CTNNAL1: variants seen among roughly 807,000 people sequenced by gnomAD.
The protein encoded by CTNNAL1 is alpha-catulin.
Under a neutral mutation model 93.6 loss-of-function variants are expected in CTNNAL1, and 69 were observed. The observed-to-expected ratio is 0.74, with a 90% CI of 0.61 to 0.90. The LOEUF (loss-of-function observed/expected upper bound fraction) is 0.90. Ranked by LOEUF, CTNNAL1 falls within the 40% of genes least tolerant of loss-of-function variation. CTNNAL1 has a pLI of 0.00. For synonymous variants in CTNNAL1, 286 were observed against 305.4 expected (o/e 0.94, Z 0.66); for missense variants, 836 against 862.0 (o/e 0.97, Z 0.38).
rs986658825 is a variant in CTNNAL1 at position 108,974,512 on chromosome 9, C to T, written c.1189-1679G>A. ...AAGTAAGATGTGAAACAGATCACCA[C>T]GTATAAAATTTATATAAGAAACATC... On this transcript the variant is annotated intron_variant, in intron 8 of 18. Coordinates refer to ENST00000325551, the MANE Select transcript of CTNNAL1 (RefSeq NM_003798.4). Among the ~76,000 whole-genome samples, 62 of 152,112 alleles carry T rather than the reference C, an allele frequency of 4.1e-4. 1 individual carries two copies. Among genetic ancestry groups the T allele is most frequent in the Admixed American group, 3.2e-3 (49 of 15,276 alleles).
intron 10 of CTNNAL1, 122 bp from the exon 11 acceptor site, chr9:108,965,650 T>C: frequency 2.1e-6 from 1 of 483,868 alleles, no homozygotes; most frequent in African/African-American, 2.0e-5. Context: ...ATGAAGTAAT[T>C]TCTATACACA....
At position 108,972,726 on chromosome 9, in the gene CTNNAL1, A is replaced by G; in HGVS notation, c.1296T>C (p.Ala432=). ...KLTGVEGNLE[A]LAEYACKLSE... ...AGAGTTTACAGGCATATTCAGCCAA[A>G]GCTTCTAAATTTCCTTCTACTCCAG... The change falls in exon 9 of 19, where the codon GCT becomes GCC. Residue 432 remains alanine (A), a synonymous_variant. Transcript: ENST00000325551. The G allele has an allele frequency of 1.2e-6, 2 of 1,614,010 alleles. No homozygotes were observed. The highest frequency in any genetic ancestry group is 1.7e-6 in the Non-Finnish European group (2 of 1,180,014).
At chr9:108,992,570 A>AT in intron 3 of CTNNAL1, 62 bp downstream of exon 3, 1 of 1,518,584 alleles carries the variant, frequency 6.6e-7, no homozygotes, top group Non-Finnish European at 8.8e-7. Context: ...ACTAAGAGTC[A>AT]TAAAAAGCAC....
intron 3 of CTNNAL1, among the ~76,000 whole-genome samples, chr9:108,991,541 TA>T (rs138325532): frequency 0.074 from 11,258 of 151,642 alleles, 500 homozygotes; most frequent in Admixed American, 0.13. Flanking sequence ...CAAGATAAGT[TA>T]AAAAAAAACA....
intron 5 of CTNNAL1, among the ~76,000 whole-genome samples, 198 bp downstream of exon 5, chr9:108,984,149 C>T (rs1831527573): frequency 6.6e-6 from 1 of 152,138 alleles, no homozygotes; most frequent in Non-Finnish European, 1.5e-5. Flanking sequence ...TCAAAGCTGA[C>T]TCATAAATTA....
chr9:108,982,764 C>T (rs1309552047), intron 6 of CTNNAL1, among the ~76,000 whole-genome samples: 1 of 152,204 alleles, frequency 6.6e-6, no homozygotes, highest in Non-Finnish European at 1.5e-5. Context: ...GGATACTATA[C>T]ATAATGATGC....
intron 10 of CTNNAL1, 103 bp downstream of exon 10, chr9:108,970,299 T>A: frequency 1.0e-6 from 1 of 955,506 alleles, no homozygotes; most frequent in African/African-American, 1.7e-5. Context: ...TATGTATATT[T>A]GGACTCTAGT....
intron 8 of CTNNAL1, 31 bp from the exon 9 acceptor site, chr9:108,972,864 G>GGGGCCCCCCCCCCCCCCC: frequency 1.4e-5 from 2 of 142,566 alleles, no homozygotes. Context: ...GGGGGGGTGG[G>GGGGCCCCCCCCCCCCCCC]AGGGTGGAGA....
chr9:108,956,393 T>C (rs542814189), intron 11 of CTNNAL1, among the ~76,000 whole-genome samples: 1 of 152,346 alleles, frequency 6.6e-6, no homozygotes, highest in East Asian at 1.9e-4. Flanking sequence ...AGACGGGCAA[T>C]GCCCACATCA....
intron 15 of CTNNAL1, among the ~76,000 whole-genome samples, chr9:108,945,927 T>C (rs1467412262): frequency 6.6e-6 from 1 of 152,156 alleles, no homozygotes; most frequent in Non-Finnish European, 1.5e-5. Flanking sequence ...CTAAATCTAG[T>C]GTTCTCCCTC....
chr9:108,950,023 C>CA (rs145183101), intron 14 of CTNNAL1, among the ~76,000 whole-genome samples: 10,647 of 75,402 alleles, frequency 0.14, 635 homozygotes, highest in South Asian at 0.28. Context: ...GGCTACATCT[C>CA]AAAAAAAAAA....
chr9:108,979,171 A>G, intron 7 of CTNNAL1, 110 bp downstream of exon 7: 1 of 1,374,596 alleles, frequency 7.3e-7, no homozygotes. Flanking sequence ...ATCCTGTCCC[A>G]TTCTGGAACA....
intron 8 of CTNNAL1, among the ~76,000 whole-genome samples, chr9:108,973,520 ACT>A (rs987771071): frequency 6.6e-6 from 1 of 151,970 alleles, no homozygotes; most frequent in African/African-American, 2.4e-5. Flanking sequence ...CAGATCTTGT[ACT>A]CTCTGCCTCT....
chr9:108,952,213 T>A lies in CTNNAL1; in HGVS notation c.1831A>T (p.Thr611Ser). Residue 611 changes from threonine to serine, a missense_variant, in exon 14 of 19, where the codon ACT (threonine) becomes TCT (serine). Thr to Ser is a moderately conservative substitution (Grantham distance 58, BLOSUM62 1). Transcript: ENST00000325551. ...TAAAAATACAACTACATTTACCTAG[T>A]AAATAAATACAGAGAATAGGCCATA... is the stretch of plus-strand genomic sequence containing the variant. ...SSMAYSLYLF[T>S]RGEGPLKTSQ... 1 of 1,606,698 alleles carries A rather than the reference T, an allele frequency of 6.2e-7. No homozygotes were observed. The highest frequency in any genetic ancestry group is 1.7e-5 in the Admixed American group (1 of 58,448).
intron 4 of CTNNAL1, among the ~76,000 whole-genome samples, chr9:108,990,052 G>GA (rs1462083877): frequency 2.6e-5 from 4 of 151,790 alleles, no homozygotes; most frequent in Non-Finnish European, 5.9e-5. Flanking sequence ...CTCCATCTCA[G>GA]AAAAAATAAA....
At chr9:108,994,559 C>T (rs934366859) in intron 2 of CTNNAL1, among the ~76,000 whole-genome samples, 60 of 152,136 alleles carry the variant, frequency 3.9e-4, no homozygotes, top group Non-Finnish European at 5.6e-4. Context: ...CAGGAATACA[C>T]CAAAGATAAG....
chr9:108,943,120 CAT>C, intron 17 of CTNNAL1, 76 bp from the exon 18 acceptor site: 1 of 1,329,542 alleles, frequency 7.5e-7, no homozygotes, highest in Non-Finnish European at 1.0e-6. Context: ...TTAGTTTTAA[CAT>C]GATAAAATTT....
At chr9:108,981,116 G>A (rs1327748225) in intron 6 of CTNNAL1, among the ~76,000 whole-genome samples, 1 of 152,246 alleles carries the variant, frequency 6.6e-6, no homozygotes, top group Non-Finnish European at 1.5e-5. Flanking sequence ...AGCAGCCACA[G>A]GCAGAGCACT....
At chr9:108,955,732 A>G (rs755564956) in intron 12 of CTNNAL1, 58 bp downstream of exon 12, 36 of 1,425,054 alleles carry the variant, frequency 2.5e-5, no homozygotes, top group Non-Finnish European at 3.4e-5. Context: ...AGGCAACAAG[A>G]GCATAATTTG....
Sources: allele counts gnomAD v4.1 joint callset (sites outside exome capture counted in the v4.1 genomes callset), GRCh38; gene constraint gnomAD v4.1.1; transcripts MANE v1.5; gene names NCBI Gene and HGNC (gene_info 2026-07-23, HGNC 2026-07-21).